The following ATP10B variants were observed in gnomAD, a reference collection of about 807,000 sequenced individuals.
ATP10B encodes the protein phospholipid-transporting ATPase VB.
Under a neutral mutation model 141.2 loss-of-function variants are expected in ATP10B, and 122 were observed. The ratio of observed to expected loss-of-function variants is 0.86; its 90% CI spans 0.75 to 1.00. The LOEUF is 1.00. Ranked by LOEUF, ATP10B falls within the 50% of genes least tolerant of loss-of-function variation. The probability of loss-of-function intolerance (pLI) is 0.00; values close to 1 mark genes in which losing one functional copy is unlikely to be tolerated. For synonymous variants in ATP10B, 685 were observed against 692.0 expected (o/e 0.99, Z 0.16); for missense variants, 1,876 against 1,825.3 (o/e 1.03, Z -0.51).
At chr5:160,783,572 CACACACACACACACACACACACACAT>C (rs199692134) in intron 2 of ATP10B, among the ~76,000 whole-genome samples, 4,848 of 132,852 alleles carry the variant, frequency 0.036, 219 homozygotes, top group East Asian at 0.24. Flanking sequence ...TACACACACA[CACACACACACACACACACACACACAT>C]ACACACACAC....
intron 2 of ATP10B, among the ~76,000 whole-genome samples, chr5:160,739,420 T>A (rs957129776): frequency 6.6e-6 from 1 of 152,294 alleles, no homozygotes; most frequent in East Asian, 1.9e-4. Context: ...TAACATATGC[T>A]AGAAAATCCT....
intron 1 of ATP10B, among the ~76,000 whole-genome samples, chr5:160,792,555 C>A (rs534722630): frequency 4.6e-5 from 7 of 152,222 alleles, no homozygotes; most frequent in African/African-American, 1.7e-4. Context: ...TCCCCCACTT[C>A]TTTTCTCTTG....
At chr5:160,878,866 C>T in the ATP10B span, among the ~76,000 whole-genome samples, 1 of 149,098 alleles carries the variant, frequency 6.7e-6, no homozygotes, top group Middle Eastern at 3.4e-3. Context: ...GAATGGCAAT[C>T]ATTAAAAAGT....
intron 6 of ATP10B, among the ~76,000 whole-genome samples, chr5:160,672,016 G>T (rs1198186012): frequency 9.0e-6 from 1 of 110,948 alleles, no homozygotes; most frequent in African/African-American, 3.5e-5. Flanking sequence ...TTGCTCTGTT[G>T]CCCAGGCTGG....
intron 6 of ATP10B, among the ~76,000 whole-genome samples, chr5:160,677,812 G>A (rs1464374370): frequency 6.6e-6 from 1 of 152,226 alleles, no homozygotes; most frequent in Non-Finnish European, 1.5e-5. Context: ...TGTTCAGATA[G>A]CCCTGGCAAA....
chr5:160,827,745 G>A (rs1272595079), intron 1 of ATP10B, among the ~76,000 whole-genome samples: 1 of 152,074 alleles, frequency 6.6e-6, no homozygotes, highest in Non-Finnish European at 1.5e-5. Flanking sequence ...CTTAATTTTT[G>A]TATAGGGTGA....
intron 22 of ATP10B, among the ~76,000 whole-genome samples, chr5:160,591,663 G>C (rs1170803587): frequency 6.6e-6 from 1 of 152,070 alleles, no homozygotes; most frequent in South Asian, 2.1e-4. Flanking sequence ...GGCATCAGCG[G>C]CTCCAGAAAC....
chr5:160,847,624 C>T (rs915711391), intron 1 of ATP10B, among the ~76,000 whole-genome samples: 2 of 152,096 alleles, frequency 1.3e-5, no homozygotes, highest in East Asian at 1.9e-4. Flanking sequence ...AATAAGTAGT[C>T]GAGAAATTCC....
intron 1 of ATP10B, among the ~76,000 whole-genome samples, chr5:160,814,340 A>G (rs182112818): frequency 2.6e-4 from 40 of 152,226 alleles, no homozygotes; most frequent in African/African-American, 9.2e-4. Flanking sequence ...TGATGAATGC[A>G]CAAGCCTCAG....
At chr5:160,668,545 G>T (rs534933135) in intron 7 of ATP10B, among the ~76,000 whole-genome samples, 38 of 152,316 alleles carry the variant, frequency 2.5e-4, no homozygotes, top group African/African-American at 8.9e-4. Flanking sequence ...AAACACTAGG[G>T]TGATTTAGCA....
intron 1 of ATP10B, among the ~76,000 whole-genome samples, chr5:160,820,959 G>T (rs960634394): frequency 6.6e-6 from 1 of 152,068 alleles, no homozygotes; most frequent in Non-Finnish European, 1.5e-5. Context: ...GAAACTGAAA[G>T]TCTTCACTCT....
intron 1 of ATP10B, among the ~76,000 whole-genome samples, chr5:160,788,987 G>A (rs528494948): frequency 1.3e-5 from 2 of 152,276 alleles, no homozygotes; most frequent in South Asian, 4.2e-4. Context: ...AAATTCTAAA[G>A]TGGAGAGATG....
At chr5:160,845,420 A>T (rs1295214620) in intron 1 of ATP10B, among the ~76,000 whole-genome samples, 2 of 152,112 alleles carry the variant, frequency 1.3e-5, no homozygotes, top group East Asian at 3.9e-4. Flanking sequence ...GTGAAAAGGG[A>T]GAGGGTGGTG....
At chr5:160,603,225 A>G (rs1022908539) in intron 20 of ATP10B, 2 of 155,720 alleles carry the variant, frequency 1.3e-5, no homozygotes, top group African/African-American at 4.8e-5. Flanking sequence ...AACACTGAAC[A>G]TGCCTGTTTA....
At chr5:160,892,694 T>C in the ATP10B span, among the ~76,000 whole-genome samples, 1 of 152,206 alleles carries the variant, frequency 6.6e-6, no homozygotes, top group African/African-American at 2.4e-5. Flanking sequence ...CCAGTTACTT[T>C]ATCTCCAATT....
chr5:160,588,426 A>G (rs1171511999), intron 24 of ATP10B, among the ~76,000 whole-genome samples: 1 of 152,158 alleles, frequency 6.6e-6, no homozygotes, highest in Non-Finnish European at 1.5e-5. Flanking sequence ...GTTCCATTGC[A>G]GAATGTAGGA....
the ATP10B span, among the ~76,000 whole-genome samples, chr5:160,896,738 A>G: frequency 1.3e-5 from 2 of 152,168 alleles, no homozygotes; most frequent in African/African-American, 4.8e-5. Context: ...CAGCAACAAA[A>G]CAACAACAAA....
Position 160,753,521 on chromosome 5 carries a change from A to G in ATP10B, c.-331+32038T>C, listed in dbSNP as rs558054135. 5.9e-4 allele frequency among the ~76,000 whole-genome samples: 90 copies of G among 152,320 alleles called. 2 individuals are homozygous for G. The South Asian group carries it at 0.014, about 23-fold the overall frequency. The stretch of plus-strand genomic sequence containing the variant: ...CTATTTGCTTTGCTGAGCAACACAC[A>G]TGTAGAATGTGTCATTCCTACTGTG... On this transcript the variant is annotated intron_variant, in intron 2 of 25. Transcript: ENST00000327245.
intron 1 of ATP10B, among the ~76,000 whole-genome samples, chr5:160,790,103 G>A (rs2127905841): frequency 1.3e-5 from 2 of 152,172 alleles, no homozygotes; most frequent in South Asian, 4.2e-4. Context: ...TCCCCCAGAG[G>A]ACTACTCATT....
Sources: allele counts gnomAD v4.1 joint callset (sites outside exome capture counted in the v4.1 genomes callset), GRCh38; gene constraint gnomAD v4.1.1; transcripts MANE v1.5; gene names NCBI Gene and HGNC (gene_info 2026-07-23, HGNC 2026-07-21).